The following PTPRK variants were observed in gnomAD, a reference collection of about 807,000 sequenced individuals.
PTPRK encodes protein tyrosine phosphatase receptor type K.
In PTPRK, 75 loss-of-function variants were observed where a neutral mutation model predicts 178.0. That is an observed-to-expected ratio of 0.42 (90% CI 0.35 to 0.51). The LOEUF (loss-of-function observed/expected upper bound fraction) is 0.51. PTPRK is among the 20% of genes least tolerant of loss of function. The pLI, the probability that PTPRK is intolerant of heterozygous loss-of-function variation, is 0.02. For synonymous variants in PTPRK, 637 were observed against 620.6 expected, an observed-to-expected ratio of 1.03 and a Z score of -0.39; for missense variants, 1,441 against 1,797.8, an observed-to-expected ratio of 0.80 and a Z score of 3.59.
At chr6:128,053,089 G>A (rs1268367118) in intron 13 of PTPRK, among the ~76,000 whole-genome samples, 1 of 151,444 alleles carries the variant, frequency 6.6e-6, no homozygotes, top group Non-Finnish European at 1.5e-5. Flanking sequence ...CTGGATATTA[G>A]GCATATTTTC....
At chr6:128,063,089 A>G (rs1781142608) in intron 13 of PTPRK, among the ~76,000 whole-genome samples, 1 of 152,152 alleles carries the variant, frequency 6.6e-6, no homozygotes, top group Non-Finnish European at 1.5e-5. Context: ...TTCCTAAGGG[A>G]CACAGTCAAT....
chr6:128,023,758 A>T (rs1773878870), intron 13 of PTPRK, among the ~76,000 whole-genome samples: 1 of 151,792 alleles, frequency 6.6e-6, no homozygotes, highest in South Asian at 2.1e-4. Flanking sequence ...GGCTCAAGCG[A>T]TCCTCCCAGC....
intron 11 of PTPRK, among the ~76,000 whole-genome samples, chr6:128,071,014 T>C (rs1277574684): frequency 1.3e-5 from 2 of 151,860 alleles, no homozygotes; most frequent in Non-Finnish European, 2.9e-5. Context: ...GAGTAAGAAT[T>C]TTCTCATTTA....
At chr6:128,430,825 G>A (rs965539546) in intron 1 of PTPRK, among the ~76,000 whole-genome samples, 7 of 152,014 alleles carry the variant, frequency 4.6e-5, no homozygotes, top group African/African-American at 7.2e-5. Context: ...CACACCCCCG[G>A]GGAGAAACCT....
At chr6:128,138,938 T>C (rs1416230325) in intron 7 of PTPRK, among the ~76,000 whole-genome samples, 1 of 152,080 alleles carries the variant, frequency 6.6e-6, no homozygotes, top group East Asian at 1.9e-4. Context: ...ACAAGGTCTA[T>C]GCACCCCCAA....
At chr6:128,365,471 A>G (rs574184359) in intron 2 of PTPRK, among the ~76,000 whole-genome samples, 3 of 152,296 alleles carry the variant, frequency 2.0e-5, no homozygotes, top group Admixed American at 2.0e-4. Context: ...CTTCCAGAGA[A>G]TAAAAACTTA....
At chr6:128,102,556 GC>G (rs1788968912) in intron 7 of PTPRK, among the ~76,000 whole-genome samples, 1 of 152,154 alleles carries the variant, frequency 6.6e-6, no homozygotes, top group Non-Finnish European at 1.5e-5. Context: ...AATCTTCCCT[GC>G]CATTTTAGAC....
intron 1 of PTPRK, among the ~76,000 whole-genome samples, chr6:128,474,467 C>G (rs1851121105): frequency 6.6e-6 from 1 of 151,948 alleles, no homozygotes. Flanking sequence ...ATGCTTAGAA[C>G]AAGAACAAGC....
At chr6:127,993,383 A>C (rs1418708543) in intron 18 of PTPRK, among the ~76,000 whole-genome samples, 1 of 151,668 alleles carries the variant, frequency 6.6e-6, no homozygotes, top group African/African-American at 2.4e-5. Flanking sequence ...CAGTGTGCTA[A>C]AAGTTCTGTT....
At chr6:128,490,295 T>C (rs975580613) in intron 1 of PTPRK, among the ~76,000 whole-genome samples, 9 of 152,236 alleles carry the variant, frequency 5.9e-5, no homozygotes, top group Non-Finnish European at 4.4e-5. Context: ...AATGTTAACA[T>C]GTTTGCTGAC....
chr6:127,995,133 C>A (rs1776999848), intron 18 of PTPRK: 1 of 1,029,298 alleles, frequency 9.7e-7, no homozygotes, highest in East Asian at 2.6e-5. Context: ...TTGTATGAAG[C>A]TAATTAGGTG....
At position 128,198,995 on chromosome 6, in the gene PTPRK, T is replaced by C. The variant is rs539782292; in HGVS notation, c.869-14270A>G. Among the ~76,000 whole-genome samples, 7 of 152,292 alleles carry C rather than the reference T, an allele frequency of 4.6e-5. No homozygotes were observed. The East Asian group carries it at 7.7e-4, about 17-fold the overall frequency. ...AGATAATGTCAACTGTTGGTGAAGATGTGAAACTTTATGCTTGCAAGGTGG... is the reference window on the plus strand; with the variant it reads ...AGATAATGTCAACTGTTGGTGAAGACGTGAAACTTTATGCTTGCAAGGTGG... On this transcript the variant is annotated intron_variant, in intron 6 of 29. Coordinates refer to ENST00000368226, the MANE Select transcript of PTPRK (RefSeq NM_002844.4).
chr6:128,473,052 G>A (rs1366672574), intron 1 of PTPRK, among the ~76,000 whole-genome samples: 1 of 152,006 alleles, frequency 6.6e-6, no homozygotes, highest in Non-Finnish European at 1.5e-5. Flanking sequence ...TCTCCATAAT[G>A]TCCTTTTTAA....
chr6:128,489,976 G>A (rs540382935), intron 1 of PTPRK, among the ~76,000 whole-genome samples: 1 of 151,820 alleles, frequency 6.6e-6, no homozygotes, highest in East Asian at 1.9e-4. Flanking sequence ...AAGTGTCTAC[G>A]AAAAAACGCT....
intron 3 of PTPRK, among the ~76,000 whole-genome samples, chr6:128,286,727 T>C (rs750193926): frequency 2.6e-5 from 4 of 152,218 alleles, no homozygotes; most frequent in Non-Finnish European, 4.4e-5. Flanking sequence ...TGTATTCCTT[T>C]AAAGAATATC....
At chr6:128,154,374 T>C (rs1583248421) in intron 7 of PTPRK, among the ~76,000 whole-genome samples, 1 of 151,720 alleles carries the variant, frequency 6.6e-6, no homozygotes, top group Admixed American at 6.6e-5. Flanking sequence ...GTGTCAGCCA[T>C]TAGTATCTGT....
intron 7 of PTPRK, among the ~76,000 whole-genome samples, chr6:128,105,196 C>G (rs899701867): frequency 5.3e-5 from 8 of 151,280 alleles, no homozygotes; most frequent in African/African-American, 7.3e-5. Context: ...TGCAGTGGCA[C>G]GATCTCGGCT....
chr6:128,354,628 A>G (rs1833721615), intron 2 of PTPRK, among the ~76,000 whole-genome samples: 1 of 152,180 alleles, frequency 6.6e-6, no homozygotes, highest in South Asian at 2.1e-4. Context: ...CATCTATATA[A>G]CTGGCAATAA....
At chr6:128,006,535 T>C (rs1778435296) in intron 14 of PTPRK, among the ~76,000 whole-genome samples, 1 of 150,966 alleles carries the variant, frequency 6.6e-6, no homozygotes, top group Non-Finnish European at 1.5e-5. Flanking sequence ...AGTTATTATA[T>C]CTTAATGGTA....
Sources: gnomAD v4.1 joint callset for allele counts (sites outside exome capture counted in the v4.1 genomes callset) on GRCh38, gnomAD v4.1.1 for gene constraint, MANE v1.5 for transcripts, NCBI Gene and HGNC (gene_info 2026-07-23, HGNC 2026-07-21) for gene names.